SLC24A2: variants seen among roughly 807,000 people sequenced by gnomAD.
SLC24A2 encodes solute carrier family 24 member 2.
In SLC24A2, 36 loss-of-function variants were observed where a neutral mutation model predicts 62.0. That is an observed-to-expected ratio of 0.58 (90% CI 0.44 to 0.77). The LOEUF (loss-of-function observed/expected upper bound fraction) is 0.77. SLC24A2 is among the 30% of genes least tolerant of loss of function. The pLI is 0.00. For missense variants in SLC24A2, 846 were observed against 817.9 expected (o/e 1.03, Z -0.42); for synonymous variants, 358 against 294.0 (o/e 1.22, Z -2.23).
intron 2 of SLC24A2, among the ~76,000 whole-genome samples, chr9:19,775,747 C>G (rs1049062568): frequency 3.3e-5 from 5 of 152,194 alleles, no homozygotes; most frequent in Non-Finnish European, 7.3e-5. Context: ...AAAGGCACCC[C>G]TTCCTCTAGG....
At chr9:19,888,146 A>G in the SLC24A2 span, among the ~76,000 whole-genome samples, 1 of 152,208 alleles carries the variant, frequency 6.6e-6, no homozygotes, top group African/African-American at 2.4e-5. Context: ...TTTAAAAAGT[A>G]TCCTTTCCAA....
intron 2 of SLC24A2, among the ~76,000 whole-genome samples, chr9:19,711,590 T>C (rs555663182): frequency 4.5e-4 from 69 of 152,356 alleles, no homozygotes; most frequent in African/African-American, 1.6e-3. Context: ...TGGCTTGATA[T>C]AAAGATAATG....
At chr9:19,827,779 G>C in the SLC24A2 span, among the ~76,000 whole-genome samples, 2 of 152,206 alleles carry the variant, frequency 1.3e-5, no homozygotes, top group East Asian at 1.9e-4. Flanking sequence ...CTGCTTATTA[G>C]CTGGGTGAGA....
At chr9:20,094,837 T>G in the SLC24A2 span, among the ~76,000 whole-genome samples, 1 of 152,178 alleles carries the variant, frequency 6.6e-6, no homozygotes, top group East Asian at 1.9e-4. Context: ...CTATTTGAAA[T>G]GGTAAACCAG....
the SLC24A2 span, among the ~76,000 whole-genome samples, chr9:20,283,993 C>G: frequency 6.6e-6 from 1 of 152,116 alleles, no homozygotes; most frequent in Non-Finnish European, 1.5e-5. Flanking sequence ...AGCTGCTTTT[C>G]CCTGGGTTCT....
Position 19,732,639 on chromosome 9 carries a change from C to T in SLC24A2, c.930+53298G>A, listed in dbSNP as rs771416897. On this transcript the variant is annotated intron_variant, in intron 2 of 10. Transcript: ENST00000341998. ...ATACATTAGTATATAATCCTAACGT[C>T]GCAATCTGAGAGCTACCTCTCCCCC... Among the ~76,000 whole-genome samples, 7 of 152,110 alleles carry T rather than the reference C, an allele frequency of 4.6e-5. 1 individual carries two copies. Among genetic ancestry groups the T allele is most frequent in the East Asian group, 1.9e-4 (1 of 5,182 alleles).
chr9:19,771,355 C>A (rs190312957), intron 2 of SLC24A2, among the ~76,000 whole-genome samples: 1 of 152,184 alleles, frequency 6.6e-6, no homozygotes, highest in African/African-American at 2.4e-5. Context: ...AGCATTAACA[C>A]GCCAAAACAT....
At chr9:19,681,236 G>A (rs1394436999) in intron 2 of SLC24A2, among the ~76,000 whole-genome samples, 5 of 152,116 alleles carry the variant, frequency 3.3e-5, no homozygotes, top group Admixed American at 2.6e-4. Context: ...CTGCAATGCT[G>A]TTTACACTAG....
chr9:20,202,987 G>C, the SLC24A2 span, among the ~76,000 whole-genome samples: 1 of 152,106 alleles, frequency 6.6e-6, no homozygotes, highest in Admixed American at 6.5e-5. Context: ...TCCCACCAGA[G>C]TTAGATTTCA....
intron 6 of SLC24A2, among the ~76,000 whole-genome samples, chr9:19,573,730 C>G (rs1231146940): frequency 2.5e-4 from 38 of 152,050 alleles, no homozygotes; most frequent in Admixed American, 2.5e-3. Context: ...CGGCCTGCCC[C>G]CTTAATAGCG....
At chr9:20,210,695 G>A in the SLC24A2 span, among the ~76,000 whole-genome samples, 1 of 120,706 alleles carries the variant, frequency 8.3e-6, no homozygotes, top group South Asian at 2.8e-4. Context: ...TAGTAGAGAC[G>A]GGGTTTCACC....
chr9:19,544,255 CT>C (rs375479154), intron 8 of SLC24A2, among the ~76,000 whole-genome samples: 10 of 124,040 alleles, frequency 8.1e-5, no homozygotes, highest in Non-Finnish European at 1.6e-4. Flanking sequence ...GCAACCCCTG[CT>C]TTTTTTTTTT....
At chr9:20,202,823 T>C in the SLC24A2 span, among the ~76,000 whole-genome samples, 1 of 152,212 alleles carries the variant, frequency 6.6e-6, no homozygotes, top group Non-Finnish European at 1.5e-5. Context: ...GGAATGGGCT[T>C]AGTAGGTATT....
chr9:20,190,821 T>C, the SLC24A2 span, among the ~76,000 whole-genome samples: 1 of 152,222 alleles, frequency 6.6e-6, no homozygotes, highest in African/African-American at 2.4e-5. Flanking sequence ...TCTCTGAGTG[T>C]TTTCATCTTT....
the SLC24A2 span, among the ~76,000 whole-genome samples, chr9:19,930,707 A>T: frequency 0.23 from 34,803 of 152,114 alleles, 4,309 homozygotes; most frequent in East Asian, 0.42. Context: ...AGGTTCACAG[A>T]TCCCCTGCAG....
At chr9:19,824,053 T>A in the SLC24A2 span, among the ~76,000 whole-genome samples, 1 of 152,114 alleles carries the variant, frequency 6.6e-6, no homozygotes, top group African/African-American at 2.4e-5. Flanking sequence ...ATGTAAAATC[T>A]AAAACCATAA....
At chr9:20,275,036 C>G in the SLC24A2 span, among the ~76,000 whole-genome samples, 1 of 152,096 alleles carries the variant, frequency 6.6e-6, no homozygotes, top group Non-Finnish European at 1.5e-5. Context: ...GGCAATATAC[C>G]TGAGGCCTGG....
chr9:19,594,559 A>G (rs550789878), intron 5 of SLC24A2, among the ~76,000 whole-genome samples: 1 of 152,278 alleles, frequency 6.6e-6, no homozygotes, highest in South Asian at 2.1e-4. Context: ...ACATCCAGAG[A>G]ATTCCCTGGA....
chr9:20,085,518 G>A, the SLC24A2 span, among the ~76,000 whole-genome samples: 2 of 152,172 alleles, frequency 1.3e-5, no homozygotes, highest in African/African-American at 2.4e-5. Context: ...GACTATAATA[G>A]CGTTGTTTGA....
Sources: allele counts gnomAD v4.1 joint callset (sites outside exome capture counted in the v4.1 genomes callset), GRCh38; gene constraint gnomAD v4.1.1; transcripts MANE v1.5; gene names NCBI Gene and HGNC (gene_info 2026-07-23, HGNC 2026-07-21).